ZNF585B: variants seen among roughly 807,000 people sequenced by gnomAD.
ZNF585B encodes zinc finger protein 585B.
In ZNF585B, 7 loss-of-function variants were observed where a neutral mutation model predicts 14.0. The ratio of observed to expected loss-of-function variants is 0.50; its 90% confidence interval spans 0.28 to 0.94. The LOEUF is 0.94. ZNF585B is among the 40% of genes least tolerant of loss of function. The pLI is 0.09. For synonymous variants in ZNF585B, 290 were observed against 317.3 expected (o/e 0.91, Z 0.91); for missense variants, 750 against 924.4 (o/e 0.81, Z 2.45).
Position 37,183,658 on chromosome 19 carries a change from A to G in ZNF585B, c.*1569T>C, listed in dbSNP as rs941396693. 2.6e-5 allele frequency: 4 copies of G among 152,232 alleles called. No individual in the cohort carries two copies. Among genetic ancestry groups the G allele is most frequent in the African/African-American group, 9.7e-5 (4 of 41,432 alleles). The allele number at this position is 152,232 out of a possible 1,614,324, so 9.4% of individuals were successfully genotyped here. On this transcript the variant is annotated 3_prime_UTR_variant, in exon 5 of 5. Coordinates refer to ENST00000532828, the MANE Select transcript of ZNF585B (RefSeq NM_152279.4). ...AAAATAAAGAATTGTGCTCTTTGCA[A>G]CGGGCACTGCAAATACAAAGGCCCT...
Position 37,186,699 on chromosome 19 carries a change from TGAA to T in ZNF585B, c.835_837del (p.Phe279del). On this transcript the variant is annotated inframe_deletion, in exon 5 of 5. Coordinates refer to ENST00000532828, the MANE Select transcript of ZNF585B (RefSeq NM_152279.4). ...TGTGCAATCAATTGTGTTTTCTGGATGAAGGCCTGCCCGCATTCAATACAGATG... is the reference window on the plus strand; with the variant it reads ...TGTGCAATCAATTGTGTTTTCTGGATGGCCTGCCCGCATTCAATACAGATG... 1 of 1,614,228 alleles carries T rather than the reference TGAA, an allele frequency of 6.2e-7. No homozygotes were observed. Among genetic ancestry groups the T allele is most frequent in the South Asian group, 1.1e-5 (1 of 91,086 alleles).
Position 37,183,119 on chromosome 19 carries a change from C to G in ZNF585B, c.*2108G>C, listed in dbSNP as rs1051627607. 12 of 152,318 alleles carry G rather than the reference C, an allele frequency of 7.9e-5. No individual in the cohort carries two copies. Among genetic ancestry groups the G allele is most frequent in the Middle Eastern group, 3.4e-3 (1 of 296 alleles). The allele number at this position is 152,318 out of a possible 1,614,324, so 9.4% of individuals were successfully genotyped here. ...GCAATCATGTTGGAGCTGTGGGATT[C>G]TGGAATCATGGCAGGAAATCCTGGA... On this transcript the variant is annotated 3_prime_UTR_variant, in exon 5 of 5. Coordinates refer to ENST00000532828, the MANE Select transcript of ZNF585B (RefSeq NM_152279.4).
rs202007703 is a variant in ZNF585B at position 37,186,555 on chromosome 19, A to G, written c.982T>C (p.Cys328Arg). 1 of 1,614,214 alleles carries G rather than the reference A, an allele frequency of 6.2e-7. No homozygotes were observed. Among genetic ancestry groups the G allele is most frequent in the Non-Finnish European group, 8.5e-7 (1 of 1,180,050 alleles). The change falls in exon 5 of 5, where the codon TGT becomes CGT. Residue 328 changes from cysteine to arginine, a missense_variant. Coordinates refer to ENST00000532828, the MANE Select transcript of ZNF585B (RefSeq NM_152279.4). ...RVHTRVKPYICTEYGKVFSNN... is the reference protein window; with the variant it reads ...RVHTRVKPYIRTEYGKVFSNN... ...CTGAAGACCTTCCCATATTCGGTAC[A>G]TATATAGGGCTTCACTCTTGTGTGA...
At chr19:37,196,725 T>C (rs1001797820) in intron 2 of ZNF585B, among the ~76,000 whole-genome samples, 2 of 152,206 alleles carry the variant, frequency 1.3e-5, no homozygotes, top group African/African-American at 4.8e-5. Flanking sequence ...TATTTTCTCT[T>C]CCTTTTGATT....
At chr19:37,198,808 G>T in intron 2 of ZNF585B, 2 of 370,934 alleles carry the variant, frequency 5.4e-6, no homozygotes, top group Non-Finnish European at 4.8e-6. Flanking sequence ...ATTGTATAAA[G>T]ATTCAGAGGT....
intron 3 of ZNF585B, 65 bp downstream of exon 3, chr19:37,189,959 G>A (rs1016372822): frequency 1.3e-5 from 21 of 1,597,930 alleles, no homozygotes; most frequent in Admixed American, 5.2e-5. Context: ...AACAGCATTC[G>A]TCAACTGAGA....
intron 2 of ZNF585B, among the ~76,000 whole-genome samples, chr19:37,203,191 T>A (rs1972550620): frequency 6.6e-6 from 1 of 152,212 alleles, no homozygotes; most frequent in Admixed American, 6.6e-5. Flanking sequence ...TGACTCATTC[T>A]TTTTGTAACT....
intron 4 of ZNF585B, among the ~76,000 whole-genome samples, chr19:37,188,526 A>T (rs1242387895): frequency 2.1e-5 from 3 of 146,330 alleles, no homozygotes; most frequent in African/African-American, 7.6e-5. Context: ...AAAATTAGCC[A>T]GGCGTGGTGG....
intron 2 of ZNF585B, among the ~76,000 whole-genome samples, chr19:37,206,297 C>G (rs573647152): frequency 1.6e-4 from 24 of 151,556 alleles, no homozygotes; most frequent in African/African-American, 5.6e-4. Context: ...ACTAAAAATA[C>G]AAAATTAGCC....
intron 2 of ZNF585B, among the ~76,000 whole-genome samples, chr19:37,194,411 C>T (rs951339490): frequency 6.6e-6 from 1 of 152,082 alleles, no homozygotes; most frequent in African/African-American, 2.4e-5. Flanking sequence ...GTGAGGGGTT[C>T]AAAACCAGCC....
rs1205591969 is a variant in ZNF585B at position 37,189,553 on chromosome 19, GA to G, written c.292+107del. 6 of 1,245,016 alleles carry G rather than the reference GA, an allele frequency of 4.8e-6. No individual in the cohort carries two copies. In the Admixed American group the frequency reaches 6.1e-5, roughly 13 times the overall value. 77.1% of individuals were successfully genotyped at this position (1,245,016 alleles called of 1,614,324 possible). A position where few individuals can be genotyped will look rare whatever the true frequency, so the allele number is the denominator to read the frequency against. ...AATATAAAAAATTCAGAGCCTTACT[GA>G]AGAGTGGTCTTAATAGCACTTCACA... is the stretch of plus-strand genomic sequence containing the variant. On this transcript the variant is annotated intron_variant, in intron 4 of 4. Transcript: ENST00000532828.
rs1972296685 is a variant in ZNF585B at position 37,184,396 on chromosome 19, GAAAGAA to G, written c.*825_*830del. The G allele has an allele frequency of 2.0e-5, 1 of 50,440 alleles. No individual in the cohort carries two copies. Among genetic ancestry groups the G allele is most frequent in the Non-Finnish European group, 4.0e-5 (1 of 25,316 alleles). 3.1% of individuals were successfully genotyped at this position (50,440 alleles called of 1,614,324 possible). ...AGAAAGAAAGAAAGAAAGAAAGAAAGAAAGAAAGAAAGAAAGAAAGAGAAAGAAAGA... is the reference window on the plus strand; with the variant it reads ...AGAAAGAAAGAAAGAAAGAAAGAAAGAGAAAGAAAGAAAGAGAAAGAAAGA... On this transcript the variant is annotated 3_prime_UTR_variant, in exon 5 of 5. Coordinates refer to ENST00000532828, the MANE Select transcript of ZNF585B (RefSeq NM_152279.4).
rs866450203 is a variant in ZNF585B, at chr19:37,183,220, T to C, written c.*2007A>G. ...CAGACCAAAAGGTTCACAATGACTT[T>C]TTAGCTTTAGGGTTGAGAAGGGATA... On this transcript the variant is annotated 3_prime_UTR_variant, in exon 5 of 5. Coordinates refer to ENST00000532828, the MANE Select transcript of ZNF585B (RefSeq NM_152279.4). 2.0e-5 allele frequency: 3 copies of C among 152,168 alleles called. No individual in the cohort carries two copies. Among genetic ancestry groups the C allele is most frequent in the African/African-American group, 7.2e-5 (3 of 41,430 alleles). 9.4% of individuals were successfully genotyped at this position (152,168 alleles called of 1,614,324 possible). A position where few individuals can be genotyped will look rare whatever the true frequency, so the allele number is the denominator to read the frequency against.
chr19:37,203,434 C>T (rs1316841874), intron 2 of ZNF585B, among the ~76,000 whole-genome samples: 1 of 139,676 alleles, frequency 7.2e-6, no homozygotes, highest in Non-Finnish European at 1.5e-5. Context: ...GAACTGAGAT[C>T]GTGCCACCGC....
rs1972320267 is a variant in ZNF585B, at chr19:37,185,325, T to G, written c.2212A>C (p.Thr738Pro). 6.2e-7 allele frequency: 1 copy of G among 1,614,180 alleles called. No homozygotes were observed. Among genetic ancestry groups the G allele is most frequent in the Non-Finnish European group, 8.5e-7 (1 of 1,180,040 alleles). The change falls in exon 5 of 5, where the codon ACA becomes CCA. Residue 738 changes from threonine (T) to proline (P), a missense_variant. By Grantham distance (38) the Thr-to-Pro change is conservative. Around this residue, in one of 2 missense-constraint regions of ZNF585B, gnomAD observed 233 missense variants for 354.1 expected, o/e 0.66. Coordinates refer to ENST00000532828, the MANE Select transcript of ZNF585B (RefSeq NM_152279.4). Reference sequence around the variant, plus strand: ...TAGGGTTTGTCTCCAGTGTGTGTTGTCTGATGTTTATTCAAATTGGACCTG... The same window carrying G: ...TAGGGTTTGTCTCCAGTGTGTGTTGGCTGATGTTTATTCAAATTGGACCTG... The part of the protein sequence containing the change: ...SNRSNLNKHQ[T>P]THTGDKPYKC...
At chr19:37,206,100 A>G (rs1972583394) in intron 2 of ZNF585B, among the ~76,000 whole-genome samples, 1 of 151,424 alleles carries the variant, frequency 6.6e-6, no homozygotes, top group African/African-American at 2.4e-5. Flanking sequence ...AAATAAATAA[A>G]TAATTTAAAA....
At position 37,186,444 on chromosome 19, in the gene ZNF585B, A is replaced by G. The variant is rs1972334529; in HGVS notation, c.1093T>C (p.Tyr365His). ...TGATGAATAATCAACTCTGACCTGT[A>G]GGTAAAGGCCTTCCCACACTCAGTA... The part of the protein sequence containing the change: ...ICTECGKAFT[Y>H]RSELIIHQRI... The change falls in exon 5 of 5, where the codon TAC (tyrosine) becomes CAC (histidine). Residue 365 changes from tyrosine (Y) to histidine (H), a missense_variant. By Grantham distance (83) the Tyr-to-His change is moderately conservative. Around this residue, in one of 2 missense-constraint regions of ZNF585B, gnomAD observed 517 missense variants for 570.3 expected, o/e 0.91. Transcript: ENST00000532828. 4 of 1,614,002 alleles carry G rather than the reference A, an allele frequency of 2.5e-6. No homozygotes were observed. The highest frequency in any genetic ancestry group is 3.4e-6 in the Non-Finnish European group (4 of 1,179,948).
chr19:37,187,989 G>A (rs1191209190), intron 4 of ZNF585B, among the ~76,000 whole-genome samples: 1 of 152,060 alleles, frequency 6.6e-6, no homozygotes, highest in Non-Finnish European at 1.5e-5. Flanking sequence ...CAACATGCAC[G>A]AATTAAAAAA....
In ZNF585B at chr19:37,185,884, T is replaced by C. The variant is rs551443439; in HGVS notation, c.1653A>G (p.Glu551=). ...TGAAGGCTTTCCCACATTCGTGGCATTCATACTGTCTCTCTCCAGTGTGAA... is the reference window on the plus strand; with the variant it reads ...TGAAGGCTTTCCCACATTCGTGGCACTCATACTGTCTCTCTCCAGTGTGAA... ...QKIHTGERQY[E]CHECGKAFNQ... Residue 551 remains glutamate, a synonymous_variant, in exon 5 of 5, where the codon GAA becomes GAG. Coordinates refer to ENST00000532828, the MANE Select transcript of ZNF585B (RefSeq NM_152279.4). The C allele has an allele frequency of 4.3e-6, 7 of 1,613,814 alleles. No individual in the cohort carries two copies. Among genetic ancestry groups the C allele is most frequent in the Non-Finnish European group, 5.9e-6 (7 of 1,179,966 alleles).
Sources: allele counts gnomAD v4.1 joint callset (sites outside exome capture counted in the v4.1 genomes callset), GRCh38; gene constraint gnomAD v4.1.1; regional missense constraint gnomAD v4.1.1; transcripts MANE v1.5; gene names NCBI Gene and HGNC (gene_info 2026-07-23, HGNC 2026-07-21).